Variants in MYOZ2 observed in about 807,000 individuals in gnomAD.
The protein encoded by MYOZ2 is myozenin 2.
MYOZ2 carries 19 observed loss-of-function variants against 25.4 expected under a neutral mutation model. The ratio of observed to expected loss-of-function variants is 0.75; its 90% CI spans 0.52 to 1.10. MYOZ2 has a LOEUF of 1.10. Among genes scored for constraint, MYOZ2 ranks in the 50% least tolerant of loss-of-function variants. The probability of loss-of-function intolerance (pLI) is 0.00; values close to 1 mark genes in which losing one functional copy is unlikely to be tolerated. For synonymous variants in MYOZ2, 92 were observed against 106.9 expected (o/e 0.86, Z 0.86); for missense variants, 270 against 317.9 (o/e 0.85, Z 1.15).
At chr4:119,145,926 G>A (rs1741281639) in intron 2 of MYOZ2, among the ~76,000 whole-genome samples, 1 of 152,136 alleles carries the variant, frequency 6.6e-6, no homozygotes, top group Non-Finnish European at 1.5e-5. Flanking sequence ...CTCATTTCAT[G>A]TTGGGTGAAC....
chr4:119,158,004 A>T lies in MYOZ2; in HGVS notation c.247-18A>T, dbSNP rs11721566. On this transcript the variant is annotated intron_variant, in intron 3 of 5. Coordinates refer to ENST00000307128, the MANE Select transcript of MYOZ2 (RefSeq NM_016599.5). ...CATTTTTGAGTTTTCAGCAGAGTTTACTTTTGATTAAATACAGCACAGTAT... is the reference window on the plus strand; with the variant it reads ...CATTTTTGAGTTTTCAGCAGAGTTTTCTTTTGATTAAATACAGCACAGTAT... The T allele has an allele frequency of 6.2e-7, 1 of 1,613,586 alleles. No individual in the cohort carries two copies. The highest frequency in any genetic ancestry group is 1.7e-5 in the Admixed American group (1 of 59,970).
rs534040397 is a variant in MYOZ2 at position 119,139,389 on chromosome 4, G to T, written c.76+2788G>T. On this transcript the variant is annotated intron_variant, in intron 2 of 5. Coordinates refer to ENST00000307128, the MANE Select transcript of MYOZ2 (RefSeq NM_016599.5). ...TATTGTAAAAGACAAAAGATAATTTGCCATTATCTATGCATGAATTAGTTG... is the reference window on the plus strand; with the variant it reads ...TATTGTAAAAGACAAAAGATAATTTTCCATTATCTATGCATGAATTAGTTG... Among the ~76,000 whole-genome samples, 233 of 152,238 alleles carry T rather than the reference G, an allele frequency of 1.5e-3. 1 individual carries two copies. The highest frequency in any genetic ancestry group is 5.5e-3 in the African/African-American group (227 of 41,548).
chr4:119,160,835 C>T (rs1412778881), intron 4 of MYOZ2, among the ~76,000 whole-genome samples: 1 of 151,958 alleles, frequency 6.6e-6, no homozygotes, highest in Non-Finnish European at 1.5e-5. Flanking sequence ...ACATATCCAT[C>T]ATCTCAAATA....
intron 2 of MYOZ2, among the ~76,000 whole-genome samples, chr4:119,146,343 T>A (rs575348650): frequency 6.6e-6 from 1 of 152,232 alleles, no homozygotes. Context: ...TACTTTTTTC[T>A]TTTTTAACTG....
At chr4:119,140,959 A>G (rs1252596394) in intron 2 of MYOZ2, among the ~76,000 whole-genome samples, 1 of 152,230 alleles carries the variant, frequency 6.6e-6, no homozygotes, top group African/African-American at 2.4e-5. Context: ...TTTTATGTAG[A>G]GATAATTATC....
At chr4:119,148,124 T>C (rs1314878399) in intron 2 of MYOZ2, among the ~76,000 whole-genome samples, 1 of 152,188 alleles carries the variant, frequency 6.6e-6, no homozygotes, top group Non-Finnish European at 1.5e-5. Context: ...GGTATGGGAT[T>C]CTGGGTTGAC....
At position 119,146,362 on chromosome 4, in the gene MYOZ2, G is replaced by T. The variant is rs1348499950; in HGVS notation, c.77-4510G>T. ...TTTTTCTTTTTTAACTGTGCATTTA[G>T]TGCTATAAATATTCCTCTCAGCACT... On this transcript the variant is annotated intron_variant, in intron 2 of 5. Transcript: ENST00000307128. Among the ~76,000 whole-genome samples, 5 of 151,414 alleles carry T rather than the reference G, an allele frequency of 3.3e-5. No individual in the cohort carries two copies. In the East Asian group the frequency reaches 9.7e-4, roughly 29 times the overall value.
At chr4:119,175,000 A>G (rs941270651) in intron 5 of MYOZ2, among the ~76,000 whole-genome samples, 4 of 151,930 alleles carry the variant, frequency 2.6e-5, no homozygotes, top group Non-Finnish European at 4.4e-5. Context: ...GAGACCATGA[A>G]CCCACCAGAA....
At chr4:119,159,794 G>A (rs79117987) in intron 4 of MYOZ2, among the ~76,000 whole-genome samples, 4,150 of 152,116 alleles carry the variant, frequency 0.027, 186 homozygotes, top group African/African-American at 0.093. Context: ...TAAAAATAAG[G>A]TATTAGAGCA....
chr4:119,146,888 A>G (rs1054805590), intron 2 of MYOZ2, among the ~76,000 whole-genome samples: 1 of 152,122 alleles, frequency 6.6e-6, no homozygotes, highest in Non-Finnish European at 1.5e-5. Context: ...TAAATATTTT[A>G]TAGCTCTGTT....
chr4:119,163,959 AG>A (rs1188153581), intron 4 of MYOZ2, among the ~76,000 whole-genome samples: 1 of 152,224 alleles, frequency 6.6e-6, no homozygotes, highest in Non-Finnish European at 1.5e-5. Context: ...ATACTAAGAC[AG>A]TCAAGAAAAA....
In MYOZ2 at chr4:119,186,369, A is replaced by G. The variant is rs1742295448; in HGVS notation, c.*169A>G. The stretch of plus-strand genomic sequence containing the variant: ...ATCTCAGATCAAATACTAATAAACA[A>G]TTAGAAATCTTACTTTAAAAAACTT... On this transcript the variant is annotated 3_prime_UTR_variant, in exon 6 of 6. Transcript: ENST00000307128. The G allele has an allele frequency of 1.7e-6, 1 of 593,966 alleles. No individual in the cohort carries two copies. The highest frequency in any genetic ancestry group is 2.3e-5 in the South Asian group (1 of 44,432). 36.8% of individuals were successfully genotyped at this position (593,966 alleles called of 1,614,324 possible).
chr4:119,137,221 A>G (rs1578720965), intron 2 of MYOZ2, among the ~76,000 whole-genome samples: 1 of 152,160 alleles, frequency 6.6e-6, no homozygotes. Flanking sequence ...AAATTTTAAT[A>G]TATATTACGT....
chr4:119,143,604 C>G (rs140222783), intron 2 of MYOZ2, among the ~76,000 whole-genome samples: 1 of 152,178 alleles, frequency 6.6e-6, no homozygotes, highest in African/African-American at 2.4e-5. Flanking sequence ...CGCAGTTCTA[C>G]GGGCTTTCAC....
chr4:119,181,605 T>C lies in MYOZ2; in HGVS notation c.561-4361T>C, dbSNP rs536063574. 2.6e-3 allele frequency among the ~76,000 whole-genome samples: 393 copies of C among 152,338 alleles called. 4 individuals are homozygous for C. The highest frequency in any genetic ancestry group is 0.023 in the Admixed American group (347 of 15,306). On this transcript the variant is annotated intron_variant, in intron 5 of 5. Transcript: ENST00000307128. ...CCTGGAAAATAGTGGCTACTCAAAATAGCCATTTGGTTTCCTTAGATGGAT... is the reference window on the plus strand; with the variant it reads ...CCTGGAAAATAGTGGCTACTCAAAACAGCCATTTGGTTTCCTTAGATGGAT...
At chr4:119,146,444 A>G (rs1279482313) in intron 2 of MYOZ2, among the ~76,000 whole-genome samples, 1 of 151,874 alleles carries the variant, frequency 6.6e-6, no homozygotes, top group Non-Finnish European at 1.5e-5. Flanking sequence ...CGTTTAGTTC[A>G]CTGAATTTTT....
chr4:119,143,013 T>A (rs755675526), intron 2 of MYOZ2, among the ~76,000 whole-genome samples: 1 of 152,040 alleles, frequency 6.6e-6, no homozygotes, highest in South Asian at 2.1e-4. Context: ...GGTGCCAGCA[T>A]CAAGGGAGGG....
intron 5 of MYOZ2, among the ~76,000 whole-genome samples, chr4:119,173,881 C>A (rs1741996093): frequency 6.6e-6 from 1 of 152,216 alleles, no homozygotes; most frequent in South Asian, 2.1e-4. Flanking sequence ...GCACTCGGAG[C>A]AGCCAGCCAG....
chr4:119,167,982 T>C (rs1174983799), intron 5 of MYOZ2, among the ~76,000 whole-genome samples: 1 of 152,206 alleles, frequency 6.6e-6, no homozygotes, highest in African/African-American at 2.4e-5. Context: ...TTTTGTTTTG[T>C]TTTGTTTTGA....
Sources: gnomAD v4.1 joint callset for allele counts (sites outside exome capture counted in the v4.1 genomes callset) on GRCh38, gnomAD v4.1.1 for gene constraint, MANE v1.5 for transcripts, NCBI Gene and HGNC (gene_info 2026-07-23, HGNC 2026-07-21) for gene names.